EPSTI1: variants seen among roughly 807,000 people sequenced by gnomAD.
EPSTI1 encodes epithelial stromal interaction 1.
EPSTI1 carries 66 observed loss-of-function variants against 49.9 expected under a neutral mutation model. The observed-to-expected ratio is 1.32, with a 90% CI of 1.08 to 1.62. The LOEUF is 1.62. Among genes scored for constraint, EPSTI1 ranks in the 40% most tolerant of loss-of-function variants. The pLI is 0.00. For synonymous variants in EPSTI1, 137 were observed against 130.7 expected (o/e 1.05, Z -0.33); for missense variants, 394 against 365.5 (o/e 1.08, Z -0.64).
chr13:42,901,916 C>T (rs1297258093), intron 8 of EPSTI1, among the ~76,000 whole-genome samples: 1 of 150,834 alleles, frequency 6.6e-6, no homozygotes, highest in Admixed American at 6.6e-5. Context: ...TCCCTCCCCC[C>T]TTCCCCCCAC....
Position 42,942,658 on chromosome 13 carries a change from C to CT in EPSTI1, c.563+11289dup, listed in dbSNP as rs1161224574. ...TGATTTTAATTAGATCCTGTTGATT[C>CT]TTTTTTTTTTTTTTTTTTTTTTTTT... On this transcript the variant is annotated intron_variant, in intron 6 of 10. Coordinates refer to ENST00000313624, the MANE Select transcript of EPSTI1 (RefSeq NM_033255.5). Among the ~76,000 whole-genome samples the CT allele has an allele frequency of 9.3e-5, 6 of 64,652 alleles. 1 individual carries two copies. The highest frequency in any genetic ancestry group is 1.3e-4 in the African/African-American group (2 of 15,240). 42.4% of individuals were successfully genotyped at this position (64,652 alleles called of 152,430 possible). A position where few individuals can be genotyped will look rare whatever the true frequency, so the allele number is the denominator to read the frequency against.
intron 1 of EPSTI1, among the ~76,000 whole-genome samples, chr13:42,987,739 A>G (rs2040111441): frequency 6.6e-6 from 1 of 152,208 alleles, no homozygotes; most frequent in South Asian, 2.1e-4. Flanking sequence ...TGTCCCATCA[A>G]TTAGACAGTA....
chr13:42,918,912 C>T (rs950181912), intron 7 of EPSTI1, among the ~76,000 whole-genome samples: 5 of 151,586 alleles, frequency 3.3e-5, no homozygotes, highest in African/African-American at 9.7e-5. Context: ...ACAAATATTC[C>T]ATATAAGACC....
intron 8 of EPSTI1, among the ~76,000 whole-genome samples, chr13:42,913,090 G>C (rs2037732471): frequency 6.6e-6 from 1 of 151,852 alleles, no homozygotes; most frequent in African/African-American, 2.4e-5. Flanking sequence ...AGTACAGGAA[G>C]GGGGAGTGGA....
chr13:42,945,358 C>T (rs1378951785), intron 6 of EPSTI1, among the ~76,000 whole-genome samples: 1 of 152,150 alleles, frequency 6.6e-6, no homozygotes, highest in Admixed American at 6.5e-5. Flanking sequence ...AGGTCCCTCC[C>T]ACAACACATG....
chr13:42,931,883 A>T (rs1418974354), intron 6 of EPSTI1, among the ~76,000 whole-genome samples: 1 of 151,922 alleles, frequency 6.6e-6, no homozygotes, highest in Admixed American at 6.5e-5. Context: ...TCTTGTGCAA[A>T]TACATAAATA....
At chr13:42,942,405 T>C (rs2038781590) in intron 6 of EPSTI1, among the ~76,000 whole-genome samples, 1 of 152,154 alleles carries the variant, frequency 6.6e-6, no homozygotes, top group Non-Finnish European at 1.5e-5. Context: ...AAATTGACGA[T>C]CAAATTTTTA....
chr13:42,987,284 T>A (rs920703238), intron 1 of EPSTI1, among the ~76,000 whole-genome samples: 1 of 152,052 alleles, frequency 6.6e-6, no homozygotes, highest in Non-Finnish European at 1.5e-5. Context: ...AGTGTTAGAA[T>A]TGAACTGTGG....
Position 42,966,750 on chromosome 13 carries a change from G to A in EPSTI1, c.331+2344C>T, listed in dbSNP as rs1225234510. 6.6e-5 allele frequency among the ~76,000 whole-genome samples: 6 copies of A among 90,798 alleles called. No homozygotes were observed. The South Asian group carries it at 1.6e-3, about 23-fold the overall frequency. The allele number at this position is 90,798 out of a possible 152,430, so 59.6% of individuals were successfully genotyped here. A position where few individuals can be genotyped will look rare whatever the true frequency, so the allele number is the denominator to read the frequency against. ...CGTCCGGGAGGTGAGGGGCGCCTCC[G>A]CCCGGCCACCACCCCGTCTGGGAGG... On this transcript the variant is annotated intron_variant, in intron 3 of 10. Coordinates refer to ENST00000313624, the MANE Select transcript of EPSTI1 (RefSeq NM_033255.5).
chr13:42,920,883 AAGGAGG>A (rs1343948438), intron 7 of EPSTI1, among the ~76,000 whole-genome samples: 1 of 152,198 alleles, frequency 6.6e-6, no homozygotes, highest in Non-Finnish European at 1.5e-5. Flanking sequence ...ACAAAGAAAA[AAGGAGG>A]AGTTTGGAGA....
intron 7 of EPSTI1, among the ~76,000 whole-genome samples, chr13:42,921,006 A>G (rs966413819): frequency 6.6e-6 from 1 of 152,212 alleles, no homozygotes; most frequent in African/African-American, 2.4e-5. Context: ...AGGTAGTCAC[A>G]GATAACTTAC....
intron 8 of EPSTI1, among the ~76,000 whole-genome samples, chr13:42,901,510 GAAT>G (rs1322962743): frequency 1.3e-5 from 2 of 151,614 alleles, no homozygotes; most frequent in Admixed American, 6.5e-5. Context: ...TGAAATCAAT[GAAT>G]AATATTTGTC....
rs369657967 is a variant in EPSTI1 at position 42,922,694 on chromosome 13, G to A, written c.657+3642C>T. On this transcript the variant is annotated intron_variant, in intron 7 of 10. Coordinates refer to ENST00000313624, the MANE Select transcript of EPSTI1 (RefSeq NM_033255.5). This position sits in a 1 kb window ranked among gnomAD's most constrained non-coding sequence, Gnocchi z 4.8. ...GCGGTGGAAGTGGGATTCAAGCGGC[G>A]CAAAGGGACACATGTTAAGTACTTT... Among the ~76,000 whole-genome samples the A allele has an allele frequency of 9.9e-5, 15 of 152,150 alleles. 1 individual carries two copies. Among genetic ancestry groups the A allele is most frequent in the South Asian group, 4.2e-4 (2 of 4,816 alleles).
At chr13:42,959,165 C>G (rs1338573001) in intron 5 of EPSTI1, among the ~76,000 whole-genome samples, 5 of 152,148 alleles carry the variant, frequency 3.3e-5, no homozygotes, top group Non-Finnish European at 7.3e-5. Context: ...TTATTATACC[C>G]ATTTTACAAA....
intron 7 of EPSTI1, among the ~76,000 whole-genome samples, chr13:42,919,944 C>T (rs1432045262): frequency 1.3e-5 from 2 of 152,152 alleles, no homozygotes; most frequent in Non-Finnish European, 2.9e-5. Context: ...GGGTTGGTTC[C>T]TTCTGAGGGC....
chr13:42,903,005 C>T (rs1490224900), intron 8 of EPSTI1, among the ~76,000 whole-genome samples: 1 of 152,144 alleles, frequency 6.6e-6, no homozygotes, highest in Non-Finnish European at 1.5e-5. Flanking sequence ...AACCTAAGCA[C>T]AAATCTAAAT....
At chr13:42,977,367 A>G (rs2039900661) in intron 1 of EPSTI1, among the ~76,000 whole-genome samples, 1 of 152,230 alleles carries the variant, frequency 6.6e-6, no homozygotes, top group Non-Finnish European at 1.5e-5. Context: ...AATGTGCCCA[A>G]TTAAAAGACT....
chr13:42,926,026 T>TGGGAGGAA (rs2038160438), intron 7 of EPSTI1, among the ~76,000 whole-genome samples: 1 of 142,634 alleles, frequency 7.0e-6, no homozygotes, highest in African/African-American at 2.6e-5. Context: ...GATGCATGGA[T>TGGGAGGAA]GGAAGGAAGG....
intron 5 of EPSTI1, among the ~76,000 whole-genome samples, chr13:42,963,053 G>A (rs1054812): frequency 0.59 from 90,351 of 151,894 alleles, 27,434 homozygotes; most frequent in Middle Eastern, 0.82. Flanking sequence ...GCCTCCTCTA[G>A]AATCACAAGA....
Sources: allele counts gnomAD v4.1 joint callset (sites outside exome capture counted in the v4.1 genomes callset), GRCh38; gene constraint gnomAD v4.1.1; non-coding constraint Gnocchi (gnomAD v3.1); transcripts MANE v1.5; gene names NCBI Gene and HGNC (gene_info 2026-07-23, HGNC 2026-07-21).